The following PCDHA1 variants were observed in gnomAD, a reference collection of about 807,000 sequenced individuals.
PCDHA1 encodes protocadherin alpha-1.
Under a neutral mutation model 61.3 loss-of-function variants are expected in PCDHA1, and 42 were observed. That is an observed-to-expected ratio of 0.69 (90% CI 0.54 to 0.89). The LOEUF (loss-of-function observed/expected upper bound fraction) is 0.89. Ranked by LOEUF, PCDHA1 falls within the 40% of genes least tolerant of loss-of-function variation. The probability of loss-of-function intolerance (pLI) is 0.00; values close to 1 mark genes in which losing one functional copy is unlikely to be tolerated. For missense variants in PCDHA1, 1,256 were observed against 1,235.3 expected (o/e 1.02, Z -0.25); for synonymous variants, 610 against 553.8 (o/e 1.10, Z -1.43).
intron 1 of PCDHA1, chr5:140,850,680 G>T: frequency 6.3e-7 from 1 of 1,598,518 alleles, no homozygotes; most frequent in Non-Finnish European, 8.6e-7. Flanking sequence ...GATGCCCACC[G>T]AGGGCGAGTG....
chr5:140,882,662 A>G (rs1554175058), intron 1 of PCDHA1: 7 of 1,614,224 alleles, frequency 4.3e-6, no homozygotes, highest in Non-Finnish European at 5.9e-6. Context: ...CAACCCGCCC[A>G]TATTCCCTGA....
intron 1 of PCDHA1, among the ~76,000 whole-genome samples, chr5:140,819,907 C>T (rs1766650524): frequency 6.6e-6 from 1 of 151,892 alleles, no homozygotes; most frequent in African/African-American, 2.4e-5. Flanking sequence ...TTACAATGTA[C>T]ACATTGTTAA....
chr5:140,922,063 A>C (rs1324927848), intron 1 of PCDHA1, among the ~76,000 whole-genome samples: 2 of 152,190 alleles, frequency 1.3e-5, no homozygotes, highest in African/African-American at 4.8e-5. Context: ...AAATGTAGCA[A>C]TCCCACTAAG....
intron 1 of PCDHA1, among the ~76,000 whole-genome samples, chr5:140,899,769 T>C (rs376898324): frequency 4.6e-4 from 70 of 152,316 alleles, no homozygotes; most frequent in African/African-American, 1.7e-3. Flanking sequence ...CAGTTCCTCC[T>C]TTTACCTCTG....
At chr5:140,994,485 C>T (rs573689251) in intron 3 of PCDHA1, among the ~76,000 whole-genome samples, 2 of 152,146 alleles carry the variant, frequency 1.3e-5, no homozygotes, top group South Asian at 2.1e-4. Flanking sequence ...GGTGGATTGC[C>T]TGAACCCAGG....
In PCDHA1 at chr5:140,788,038, G is replaced by T; in HGVS notation, c.1748G>T (p.Arg583Leu). The T allele has an allele frequency of 6.2e-7, 1 of 1,614,026 alleles. No homozygotes were observed. The highest frequency in any genetic ancestry group is 8.5e-7 in the Non-Finnish European group (1 of 1,179,912). ...GGTGCAGTCAGTGAGCTGGTGCCGC[G>T]ATTGGTGGGTGCGGGTCATGTGGTG... is the stretch of plus-strand genomic sequence containing the variant. ...TIGAVSELVP[R>L]LVGAGHVVAK... Residue 583 changes from arginine (R) to leucine (L), a missense_variant, in exon 1 of 4, where the codon CGA (arginine) becomes CTA (leucine). Physicochemically the swap from Arg to Leu is moderately radical, Grantham distance 102 (BLOSUM62 -2). Coordinates refer to ENST00000504120, the MANE Select transcript of PCDHA1 (RefSeq NM_018900.4).
At chr5:140,884,310 GGGCGTC>G (rs1301213144) in intron 1 of PCDHA1, 7 of 1,613,674 alleles carry the variant, frequency 4.3e-6, no homozygotes, top group Non-Finnish European at 5.9e-6. Flanking sequence ...GCTTCGTCGA[GGGCGTC>G]GGCAGGCGCT....
At chr5:140,848,385 C>G (rs2150409736) in intron 1 of PCDHA1, 28 of 1,211,136 alleles carry the variant, frequency 2.3e-5, no homozygotes, top group Non-Finnish European at 2.9e-5. Flanking sequence ...CTTTTTCACT[C>G]TCTCTGTGCT....
chr5:140,908,949 G>A (rs2074237561), intron 1 of PCDHA1, among the ~76,000 whole-genome samples: 1 of 152,144 alleles, frequency 6.6e-6, no homozygotes, highest in South Asian at 2.1e-4. Context: ...CTTCACCTTA[G>A]AAGGAATATC....
chr5:140,797,328 C>T (rs1554120408), intron 1 of PCDHA1: 3 of 1,614,180 alleles, frequency 1.9e-6, no homozygotes, highest in Non-Finnish European at 2.5e-6. Context: ...AGAAACAGCT[C>T]TCAGAATCAG....
intron 1 of PCDHA1, among the ~76,000 whole-genome samples, chr5:140,817,888 A>G (rs186786507): frequency 3.3e-5 from 5 of 152,342 alleles, no homozygotes; most frequent in Admixed American, 3.3e-4. Context: ...TATTTTTGCC[A>G]GCACTTTTAA....
At chr5:140,829,576 G>A (rs2150170458) in intron 1 of PCDHA1, 2 of 1,612,390 alleles carry the variant, frequency 1.2e-6, no homozygotes, top group Admixed American at 3.3e-5. Context: ...ACTCGCTGGT[G>A]GAGCGGCGGG....
At chr5:140,920,638 G>T (rs1245142321) in intron 1 of PCDHA1, among the ~76,000 whole-genome samples, 2 of 152,114 alleles carry the variant, frequency 1.3e-5, no homozygotes, top group African/African-American at 4.8e-5. Flanking sequence ...AAGGTCAAGA[G>T]ATTGAGACCA....
At chr5:140,843,128 T>G (rs2150353491) in intron 1 of PCDHA1, 1 of 1,595,926 alleles carries the variant, frequency 6.3e-7, no homozygotes, top group Admixed American at 1.7e-5. Flanking sequence ...CGACTCGGGC[T>G]ACAACGCGTG....
chr5:140,936,987 T>A (rs996790487), intron 1 of PCDHA1, among the ~76,000 whole-genome samples: 1 of 152,170 alleles, frequency 6.6e-6, no homozygotes, highest in Non-Finnish European at 1.5e-5. Flanking sequence ...CTTGTTAACA[T>A]TGACAATATT....
intron 1 of PCDHA1, chr5:140,884,501 G>A: frequency 1.9e-6 from 3 of 1,614,146 alleles, no homozygotes; most frequent in Middle Eastern, 1.6e-4. Context: ...CTCCAGCGCG[G>A]CAGGGAGTTG....
At chr5:140,801,060 A>C in intron 1 of PCDHA1, 2 of 1,452,866 alleles carry the variant, frequency 1.4e-6, no homozygotes. Flanking sequence ...AGCGTGCATT[A>C]CGTATTCAGA....
At chr5:140,827,032 T>C (rs1769155846) in intron 1 of PCDHA1, among the ~76,000 whole-genome samples, 1 of 152,190 alleles carries the variant, frequency 6.6e-6, no homozygotes, top group Non-Finnish European at 1.5e-5. Context: ...AATTTAAAAA[T>C]TTGAATTTGG....
chr5:140,919,115 T>G (rs2079009343), intron 1 of PCDHA1, among the ~76,000 whole-genome samples: 1 of 152,228 alleles, frequency 6.6e-6, no homozygotes, highest in Non-Finnish European at 1.5e-5. Context: ...TTCTGCCAGT[T>G]TTTGCTTCAT....
Sources: gnomAD v4.1 joint callset for allele counts (sites outside exome capture counted in the v4.1 genomes callset) on GRCh38, gnomAD v4.1.1 for gene constraint, MANE v1.5 for transcripts, NCBI Gene and HGNC (gene_info 2026-07-23, HGNC 2026-07-21) for gene names.